Variants in UBR3 observed in about 807,000 individuals in gnomAD.
The protein encoded by UBR3 is E3 ubiquitin-protein ligase UBR3.
Under a neutral mutation model 243.2 loss-of-function variants are expected in UBR3, and 85 were observed. The observed-to-expected ratio is 0.35, with a 90% CI of 0.29 to 0.42. UBR3 has a LOEUF of 0.42. Among genes scored for constraint, UBR3 ranks in the 10% least tolerant of loss-of-function variants. UBR3 has a pLI of 1.00. For missense variants in UBR3, 1,686 were observed against 2,300.8 expected (o/e 0.73, Z 5.47); for synonymous variants, 748 against 799.8 (o/e 0.94, Z 1.09).
At position 170,061,333 on chromosome 2, in the gene UBR3, T is replaced by G. The variant is rs1045156433; in HGVS notation, c.4909T>G (p.Trp1637Gly). 6.2e-7 allele frequency: 1 copy of G among 1,614,010 alleles called. No homozygotes were observed. The highest frequency in any genetic ancestry group is 1.7e-5 in the Admixed American group (1 of 59,998). ...QECAMVNPIA[W>G]SPESMEKCLQ... ...TTAACTTTAGGTTAACCCTATTGCT[T>G]GGTCTCCTGAATCCATGGAAAAATG... Residue 1637 changes from tryptophan (W) to glycine (G), a missense_variant, in exon 35 of 39, where the codon TGG becomes GGG. Trp to Gly is a radical substitution (Grantham distance 184, BLOSUM62 -2). Coordinates refer to ENST00000272793, the MANE Select transcript of UBR3 (RefSeq NM_172070.4).
intron 30 of UBR3, among the ~76,000 whole-genome samples, chr2:170,026,234 A>G (rs558817623): frequency 6.6e-5 from 10 of 152,154 alleles, no homozygotes; most frequent in African/African-American, 2.2e-4. Flanking sequence ...AGTTAAGAAT[A>G]TATGTTAATA....
At chr2:169,938,386 G>T (rs1174697977) in intron 19 of UBR3, among the ~76,000 whole-genome samples, 1 of 150,838 alleles carries the variant, frequency 6.6e-6, no homozygotes, top group Non-Finnish European at 1.5e-5. Context: ...TTGGCTTCCC[G>T]AGTAGCTGGG....
At chr2:169,832,402 TAGTC>T (rs1448505411) in intron 1 of UBR3, among the ~76,000 whole-genome samples, 4 of 151,394 alleles carry the variant, frequency 2.6e-5, no homozygotes, top group Admixed American at 1.3e-4. Flanking sequence ...TACAAAAAAT[TAGTC>T]AGGCGTGGTG....
chr2:169,869,315 G>A (rs913426436), intron 1 of UBR3, among the ~76,000 whole-genome samples: 9 of 146,666 alleles, frequency 6.1e-5, no homozygotes, highest in Middle Eastern at 7.5e-3. Context: ...TCTGCCTCCC[G>A]GTTTCAAGTG....
chr2:169,842,251 T>TTGGAGAACCTGTG (rs1325889118), intron 1 of UBR3, among the ~76,000 whole-genome samples: 1 of 152,128 alleles, frequency 6.6e-6, no homozygotes, highest in African/African-American at 2.4e-5. Flanking sequence ...TCGTGGGGCC[T>TTGGAGAACCTGTG]TGGAGAACCT....
intron 36 of UBR3, chr2:170,077,302 C>T (rs1243820763): frequency 1.3e-6 from 1 of 761,130 alleles, no homozygotes; most frequent in Non-Finnish European, 2.4e-6. Flanking sequence ...CCCAAATAAC[C>T]TTGCCTCCTT....
At chr2:169,960,294 A>G (rs1297737946) in intron 24 of UBR3, among the ~76,000 whole-genome samples, 4 of 151,498 alleles carry the variant, frequency 2.6e-5, no homozygotes, top group Non-Finnish European at 2.9e-5. Context: ...TGCATAAAGT[A>G]TGTATGAAAC....
chr2:169,849,302 T>C (rs549519648), intron 1 of UBR3, among the ~76,000 whole-genome samples: 1 of 152,332 alleles, frequency 6.6e-6, no homozygotes, highest in Admixed American at 6.5e-5. Context: ...AACTAACATA[T>C]AGGAATAGAT....
At chr2:169,930,881 A>G (rs943884895) in intron 18 of UBR3, among the ~76,000 whole-genome samples, 1 of 152,122 alleles carries the variant, frequency 6.6e-6, no homozygotes, top group Non-Finnish European at 1.5e-5. Context: ...CTGTCCTGCT[A>G]TCTACTTGCT....
At chr2:169,972,332 G>C (rs1471555503) in intron 24 of UBR3, among the ~76,000 whole-genome samples, 1 of 151,958 alleles carries the variant, frequency 6.6e-6, no homozygotes, top group Non-Finnish European at 1.5e-5. Flanking sequence ...TTCTACCAGA[G>C]GTACAAGGAG....
At chr2:170,032,468 C>T (rs1231843070) in intron 31 of UBR3, among the ~76,000 whole-genome samples, 12 of 151,450 alleles carry the variant, frequency 7.9e-5, no homozygotes, top group African/African-American at 2.9e-4. Flanking sequence ...CAGTAAAGTA[C>T]TGTGTAACAA....
At chr2:169,967,137 A>G (rs967569188) in intron 24 of UBR3, among the ~76,000 whole-genome samples, 1 of 152,150 alleles carries the variant, frequency 6.6e-6, no homozygotes, top group Non-Finnish European at 1.5e-5. Context: ...ATTTGAGGTT[A>G]TACAGTAGTA....
intron 30 of UBR3, among the ~76,000 whole-genome samples, chr2:170,021,413 G>A (rs1028289351): frequency 5.3e-5 from 8 of 152,110 alleles, no homozygotes; most frequent in Non-Finnish European, 1.2e-4. Flanking sequence ...GGGCCTGCTT[G>A]CTTCCTCATA....
At chr2:170,012,688 T>TTC (rs1553535106) in intron 29 of UBR3, among the ~76,000 whole-genome samples, 6 of 150,792 alleles carry the variant, frequency 4.0e-5, no homozygotes, top group East Asian at 1.9e-4. Context: ...TTTTTTTTTT[T>TTC]CCCCCTGAGA....
intron 8 of UBR3, among the ~76,000 whole-genome samples, chr2:169,901,200 G>A (rs1373776016): frequency 6.6e-6 from 1 of 152,024 alleles, no homozygotes; most frequent in Non-Finnish European, 1.5e-5. Flanking sequence ...ATATTATATG[G>A]TATCAGTTGC....
chr2:169,895,308 T>C lies in UBR3; in HGVS notation c.1233T>C (p.Tyr411=). The part of the protein sequence containing the change: ...FLLNMLPDQE[Y]KVAFTKTFVQ... Reference sequence around the variant, plus strand: ...TCAACATGCTTCCAGATCAAGAGTATAAGGTATCTATATATTTTCCTGCTT... The same window carrying C: ...TCAACATGCTTCCAGATCAAGAGTACAAGGTATCTATATATTTTCCTGCTT... Residue 411 remains tyrosine (Y), a synonymous_variant, in exon 7 of 39, where the codon TAT becomes TAC. Coordinates refer to ENST00000272793, the MANE Select transcript of UBR3 (RefSeq NM_172070.4). 2.0e-6 allele frequency: 3 copies of C among 1,536,678 alleles called. No homozygotes were observed. Among genetic ancestry groups the C allele is most frequent in the Non-Finnish European group, 2.6e-6 (3 of 1,143,536 alleles).
intron 36 of UBR3, chr2:170,077,323 G>T: frequency 1.2e-6 from 1 of 804,792 alleles, no homozygotes; most frequent in Non-Finnish European, 2.2e-6. Context: ...GTGTCACAAG[G>T]CCCAACTCAC....
intron 32 of UBR3, among the ~76,000 whole-genome samples, chr2:170,042,881 C>A (rs997033077): frequency 1.3e-5 from 2 of 151,754 alleles, no homozygotes; most frequent in Non-Finnish European, 2.9e-5. Context: ...CTAATTTAAT[C>A]ATTTGTGTTT....
chr2:169,845,928 T>C (rs191600117), intron 1 of UBR3, among the ~76,000 whole-genome samples: 1 of 152,292 alleles, frequency 6.6e-6, no homozygotes, highest in East Asian at 1.9e-4. Context: ...AGCATACTTA[T>C]ATGATGTCAA....
Sources: gnomAD v4.1 joint callset for allele counts (sites outside exome capture counted in the v4.1 genomes callset) on GRCh38, gnomAD v4.1.1 for gene constraint, MANE v1.5 for transcripts, NCBI Gene and HGNC (gene_info 2026-07-23, HGNC 2026-07-21) for gene names.